The following PACRG variants were observed in gnomAD, a reference collection of about 807,000 sequenced individuals.
PACRG encodes the protein parkin coregulated.
A neutral mutation model predicts 29.7 loss-of-function variants in PACRG; 29 were observed. That is an observed-to-expected ratio of 0.98 (90% CI 0.73 to 1.33). The LOEUF is 1.33. PACRG is among the 40% of genes most tolerant of loss of function. The probability of loss-of-function intolerance (pLI) is 0.00; values close to 1 mark genes in which losing one functional copy is unlikely to be tolerated. For missense variants in PACRG, 279 were observed against 316.2 expected (o/e 0.88, Z 0.89); for synonymous variants, 116 against 118.7 (o/e 0.98, Z 0.15).
At chr6:163,129,761 T>C (rs116610977) in intron 4 of PACRG, among the ~76,000 whole-genome samples, 1 of 152,136 alleles carries the variant, frequency 6.6e-6, no homozygotes, top group African/African-American at 2.4e-5. Context: ...TCAGTTTCCT[T>C]CCTACCTCAC....
intron 2 of PACRG, among the ~76,000 whole-genome samples, chr6:162,894,305 A>T (rs1302020487): frequency 6.6e-6 from 1 of 152,256 alleles, no homozygotes; most frequent in African/African-American, 2.4e-5. Flanking sequence ...GACAGATGGA[A>T]AAATGCTGAT....
intron 4 of PACRG, among the ~76,000 whole-genome samples, chr6:163,101,939 G>C (rs54773): frequency 0.26 from 39,123 of 152,114 alleles, 5,445 homozygotes; most frequent in East Asian, 0.52. Flanking sequence ...AACAAAAAAA[G>C]TTGAGTGCTT....
intron 4 of PACRG, among the ~76,000 whole-genome samples, chr6:163,268,835 G>A (rs535625868): frequency 6.6e-6 from 1 of 152,128 alleles, no homozygotes; most frequent in African/African-American, 2.4e-5. Flanking sequence ...TTCTTGCTCT[G>A]TGTTTCTCCT....
At chr6:162,948,614 G>C (rs1360824757) in intron 2 of PACRG, among the ~76,000 whole-genome samples, 1 of 152,080 alleles carries the variant, frequency 6.6e-6, no homozygotes, top group Non-Finnish European at 1.5e-5. Context: ...TTAAAAATGA[G>C]AGAAAATATT....
chr6:162,832,641 G>C (rs550195380), intron 2 of PACRG, among the ~76,000 whole-genome samples: 3 of 152,208 alleles, frequency 2.0e-5, no homozygotes, highest in South Asian at 4.1e-4. Flanking sequence ...GAACAATGTA[G>C]CTCACATTAT....
intron 1 of PACRG, among the ~76,000 whole-genome samples, chr6:162,794,465 T>C (rs1245803417): frequency 6.6e-6 from 1 of 152,210 alleles, no homozygotes; most frequent in African/African-American, 2.4e-5. Context: ...AATTTATCAA[T>C]TTTTATACTT....
intron 4 of PACRG, among the ~76,000 whole-genome samples, chr6:163,096,370 G>A (rs1814588546): frequency 6.6e-6 from 1 of 152,138 alleles, no homozygotes; most frequent in Admixed American, 6.5e-5. Context: ...TCTGCCTAAA[G>A]GGGTTTGTAC....
intron 4 of PACRG, chr6:163,095,397 C>T (rs747884780): frequency 4.5e-5 from 44 of 985,412 alleles, no homozygotes; most frequent in East Asian, 1.1e-4. Context: ...CCTGGTAGGG[C>T]GATGTCTAAA....
intron 4 of PACRG, among the ~76,000 whole-genome samples, chr6:163,239,727 T>C (rs1275405305): frequency 1.8e-5 from 2 of 112,852 alleles, no homozygotes; most frequent in East Asian, 5.7e-4. Context: ...CACTCCCACA[T>C]ACACACACAC....
intron 2 of PACRG, among the ~76,000 whole-genome samples, chr6:162,838,804 C>A (rs1789487509): frequency 1.4e-5 from 2 of 139,294 alleles, no homozygotes; most frequent in Admixed American, 1.6e-4. Context: ...CATGTGATCT[C>A]ATTGTTCAAT....
intron 4 of PACRG, among the ~76,000 whole-genome samples, chr6:163,133,557 T>G (rs927142443): frequency 6.6e-6 from 1 of 152,242 alleles, no homozygotes; most frequent in African/African-American, 2.4e-5. Context: ...ATTTTCCAGC[T>G]TCATTCTCTT....
chr6:162,774,979 A>T (rs530381973), intron 1 of PACRG, among the ~76,000 whole-genome samples: 88 of 152,258 alleles, frequency 5.8e-4, no homozygotes, highest in Admixed American at 1.4e-3. Flanking sequence ...TTACCCAACG[A>T]TGGCCTCAGT....
intron 2 of PACRG, among the ~76,000 whole-genome samples, chr6:162,821,952 G>C (rs1410698439): frequency 6.6e-6 from 1 of 152,144 alleles, no homozygotes; most frequent in Admixed American, 6.6e-5. Flanking sequence ...GTTTTCCTTT[G>C]AGTAGTCAAA....
At chr6:162,727,679 T>G, upstream of PACRG, 1 of 1,577,756 alleles carries the variant, frequency 6.3e-7, no homozygotes, top group Non-Finnish European at 8.6e-7. Context: ...GGTCACTGGG[T>G]AGGTGGCGGC....
Position 163,166,478 on chromosome 6 carries a change from A to G in PACRG, c.613+77070A>G, listed in dbSNP as rs151190523. 1.6e-4 allele frequency among the ~76,000 whole-genome samples: 25 copies of G among 152,362 alleles called. No homozygotes were observed. In the South Asian group the frequency reaches 4.6e-3, roughly 28 times the overall value. Reference sequence around the variant, plus strand: ...ACCAAATTGACTGCAACCAAATGTCATATTATTTACATGGCGTGCACAATT... The same window carrying G: ...ACCAAATTGACTGCAACCAAATGTCGTATTATTTACATGGCGTGCACAATT... On this transcript the variant is annotated intron_variant, in intron 4 of 4. Transcript: ENST00000366888.
chr6:163,189,269 C>T (rs548307301), intron 4 of PACRG: 131 of 152,338 alleles, frequency 8.6e-4, no homozygotes, highest in African/African-American at 2.6e-3. Context: ...TGCATAACAG[C>T]TCTAATGACT....
intron 2 of PACRG, among the ~76,000 whole-genome samples, chr6:162,938,243 T>C (rs1584804152): frequency 6.6e-6 from 1 of 152,358 alleles, no homozygotes; most frequent in South Asian, 2.1e-4. Flanking sequence ...TCCTTTTTTA[T>C]GGATGAATAG....
intron 4 of PACRG, among the ~76,000 whole-genome samples, chr6:163,171,540 G>C (rs556050811): frequency 2.0e-5 from 3 of 152,252 alleles, no homozygotes; most frequent in African/African-American, 7.2e-5. Context: ...TAAAGCATAG[G>C]CTCCTATCTA....
chr6:163,021,400 A>G lies in PACRG; in HGVS notation c.292-40750A>G, dbSNP rs1469985167. Reference sequence around the variant, plus strand: ...TCTCATGTTTAAATCCTTTATTTCAACCATTTCCTTCTGTTTCCTAAATGT... The same window carrying G: ...TCTCATGTTTAAATCCTTTATTTCAGCCATTTCCTTCTGTTTCCTAAATGT... On this transcript the variant is annotated intron_variant, in intron 2 of 4. Coordinates refer to ENST00000366888, the MANE Select transcript of PACRG (RefSeq NM_001080379.2). Among the ~76,000 whole-genome samples the G allele has an allele frequency of 2.0e-5, 3 of 152,142 alleles. No homozygotes were observed. In the East Asian group the frequency reaches 5.8e-4, roughly 30 times the overall value.
Sources: allele counts gnomAD v4.1 joint callset (sites outside exome capture counted in the v4.1 genomes callset), GRCh38; gene constraint gnomAD v4.1.1; transcripts MANE v1.5; gene names NCBI Gene and HGNC (gene_info 2026-07-23, HGNC 2026-07-21).